SYCE1L: variants seen among roughly 807,000 people sequenced by gnomAD.
The protein encoded by SYCE1L is synaptonemal complex central element protein 1 like, also known as synaptonemal complex central element protein 1-like.
Under a neutral mutation model 39.6 loss-of-function variants are expected in SYCE1L, and 51 were observed. The observed-to-expected ratio is 1.29, with a 90% CI of 1.03 to 1.63. The LOEUF (loss-of-function observed/expected upper bound fraction) is 1.63. Ranked by LOEUF, SYCE1L falls within the 40% of genes most tolerant of loss-of-function variation. The pLI, the probability that SYCE1L is intolerant of heterozygous loss-of-function variation, is 0.00. For synonymous variants in SYCE1L, 147 were observed against 122.4 expected (o/e 1.20, Z -1.33); for missense variants, 426 against 304.9 (o/e 1.40, Z -2.96).
chr16:77,205,073 A>T (rs1305652903), intron 1 of SYCE1L, among the ~76,000 whole-genome samples: 4 of 151,150 alleles, frequency 2.6e-5, no homozygotes, highest in Admixed American at 2.0e-4. Flanking sequence ...AAAGAAAAAG[A>T]TAATGTGGGA....
chr16:77,209,293 T>C, intron 5 of SYCE1L, 124 bp from the exon 6 acceptor site: 1 of 1,351,510 alleles, frequency 7.4e-7, no homozygotes, highest in Non-Finnish European at 1.0e-6. Context: ...CTACATCACT[T>C]GGAGTAAACA....
chr16:77,208,781 G>C (rs1432967629), intron 4 of SYCE1L, among the ~76,000 whole-genome samples: 2 of 152,202 alleles, frequency 1.3e-5, no homozygotes, highest in African/African-American at 4.8e-5. Context: ...GCCCCTGGCT[G>C]ATTTGTTTCT....
intron 1 of SYCE1L, chr16:77,200,272 G>GTATATATATATATA (rs1333107439): frequency 1.3e-4 from 11 of 84,650 alleles, no homozygotes; most frequent in African/African-American, 1.6e-4. Flanking sequence ...ATATATATAT[G>GTATATATATATATA]TGTATATATA....
intron 1 of SYCE1L, among the ~76,000 whole-genome samples, chr16:77,203,293 T>C (rs572147202): frequency 2.0e-5 from 3 of 152,186 alleles, no homozygotes; most frequent in African/African-American, 7.2e-5. Flanking sequence ...GAGGGGAGAC[T>C]TTTCCTTTTT....
At chr16:77,203,698 G>A (rs184786774) in intron 1 of SYCE1L, among the ~76,000 whole-genome samples, 256 of 149,164 alleles carry the variant, frequency 1.7e-3, no homozygotes, top group African/African-American at 5.9e-3. Context: ...GGGTTCTAGT[G>A]ATTCTCCTGC....
chr16:77,209,825 C>T (rs1319787229), intron 6 of SYCE1L, among the ~76,000 whole-genome samples: 3 of 152,174 alleles, frequency 2.0e-5, no homozygotes, highest in Non-Finnish European at 4.4e-5. Flanking sequence ...CATCTATCCA[C>T]CCATCTAGCC....
chr16:77,199,981 G>C (rs1373526045), intron 1 of SYCE1L: 1 of 148,278 alleles, frequency 6.7e-6, no homozygotes, highest in Non-Finnish European at 1.5e-5. Context: ...ACAGGCAAAG[G>C]AGGGTGGAGG....
At chr16:77,209,598 G>A in intron 6 of SYCE1L, 127 bp downstream of exon 6, 2 of 987,590 alleles carry the variant, frequency 2.0e-6, no homozygotes, top group Middle Eastern at 2.1e-4. Context: ...AGAGCAGCCT[G>A]ACAAAAGATT....
intron 1 of SYCE1L, chr16:77,200,291 T>TATATATATATATGTCTATATATATAC: frequency 9.0e-6 from 1 of 111,430 alleles, no homozygotes; most frequent in Non-Finnish European, 1.9e-5. Flanking sequence ...TATATATATA[T>TATATATATATATGTCTATATATATAC]ACACACACTA....
At chr16:77,209,615 G>A in intron 6 of SYCE1L, 144 bp downstream of exon 6, 1 of 836,730 alleles carries the variant, frequency 1.2e-6, no homozygotes, top group Non-Finnish European at 1.9e-6. Flanking sequence ...GATTTCCTTG[G>A]TTATCTCTGA....
At position 77,208,069 on chromosome 16, in the gene SYCE1L, G is replaced by A. The variant is rs547661857; in HGVS notation, c.122-141G>A. 31 of 798,608 alleles carry A rather than the reference G, an allele frequency of 3.9e-5. No homozygotes were observed. In the Admixed American group the frequency reaches 8.8e-4, roughly 23 times the overall value. 49.5% of individuals were successfully genotyped at this position (798,608 alleles called of 1,614,324 possible). A position where few individuals can be genotyped will look rare whatever the true frequency, so the allele number is the denominator to read the frequency against. On this transcript the variant is annotated intron_variant, in intron 2 of 10. Transcript: ENST00000378644. The stretch of plus-strand genomic sequence containing the variant: ...ACCCAGAATGCAAGCCCTTCAAGGG[G>A]CTCTGGCAGAGCTCAACACACAGCA...
chr16:77,208,270 G>A lies in SYCE1L; in HGVS notation c.181+1G>A, dbSNP rs889946366. ...AGCCGGATTAATGATCTTCAGCAAG[G>A]TAAACTTGGGGACTTAGACTGGCCA... On this transcript the variant is annotated splice_donor_variant, in intron 3 of 10. Coordinates refer to ENST00000378644, the MANE Select transcript of SYCE1L (RefSeq NM_001129979.3). LOFTEE classifies it high-confidence loss of function. The A allele has an allele frequency of 2.6e-5, 41 of 1,551,544 alleles. No individual in the cohort carries two copies. In the Admixed American group the frequency reaches 5.1e-4, roughly 19 times the overall value.
In SYCE1L at chr16:77,209,105, G is replaced by C; in HGVS notation, c.265G>C (p.Glu89Gln). 6.4e-7 allele frequency: 1 copy of C among 1,551,720 alleles called. No homozygotes were observed. The highest frequency in any genetic ancestry group is 8.7e-7 in the Non-Finnish European group (1 of 1,147,004). The part of the protein sequence containing the change: ...LHRELDSLNG[E>Q]KVHLEEVLGK... ...GTCATTGTGTTTTCCAGTGAATGGAGAGAAAGTGCACCTAGAGGAGGTCTT... is the reference window on the plus strand; with the variant it reads ...GTCATTGTGTTTTCCAGTGAATGGACAGAAAGTGCACCTAGAGGAGGTCTT... Residue 89 changes from glutamate (E) to glutamine (Q), a missense_variant, in exon 5 of 11, where the codon GAG becomes CAG. Glu to Gln is a conservative substitution (Grantham distance 29). Coordinates refer to ENST00000378644, the MANE Select transcript of SYCE1L (RefSeq NM_001129979.3).
chr16:77,210,932 G>T (rs1180068531), intron 6 of SYCE1L, among the ~76,000 whole-genome samples: 1 of 152,188 alleles, frequency 6.6e-6, no homozygotes, highest in Non-Finnish European at 1.5e-5. Context: ...ACAAATTTTT[G>T]CCCATAATTC....
intron 1 of SYCE1L, among the ~76,000 whole-genome samples, chr16:77,202,760 G>T (rs13336198): frequency 1.3e-5 from 2 of 152,080 alleles, no homozygotes; most frequent in South Asian, 2.1e-4. Context: ...TCAAGAAGCC[G>T]GGGGCTTGCT....
intron 1 of SYCE1L, among the ~76,000 whole-genome samples, chr16:77,203,717 C>T (rs1433047741): frequency 4.0e-5 from 6 of 151,452 alleles, no homozygotes; most frequent in Non-Finnish European, 7.4e-5. Flanking sequence ...GCCTCAGCCT[C>T]CCAAGTAGCT....
chr16:77,203,534 G>T (rs1424982983), intron 1 of SYCE1L, among the ~76,000 whole-genome samples: 1 of 149,062 alleles, frequency 6.7e-6, no homozygotes, highest in African/African-American at 2.5e-5. Context: ...TGGCTGCAAA[G>T]AATTTCAGCC....
chr16:77,206,609 C>G (rs889307699), intron 2 of SYCE1L, 109 bp downstream of exon 2: 1 of 1,015,712 alleles, frequency 9.8e-7, no homozygotes, highest in Admixed American at 2.1e-5. Flanking sequence ...TCCCATTGCA[C>G]TTTCTCCCTC....
rs942777424 is a variant in SYCE1L at position 77,208,115 on chromosome 16, T to A, written c.122-95T>A. The A allele has an allele frequency of 9.5e-6, 12 of 1,261,588 alleles. No individual in the cohort carries two copies. In the Admixed American group the frequency reaches 2.2e-4, roughly 23 times the overall value. The allele number at this position is 1,261,588 out of a possible 1,614,324, so 78.1% of individuals were successfully genotyped here. ...CAGCAGGCGCTCAATATATGCCGGT[T>A]AATTGATAGCAGCAGACACAGTGCT... On this transcript the variant is annotated intron_variant, in intron 2 of 10. Transcript: ENST00000378644.
Sources: gnomAD v4.1 joint callset for allele counts (sites outside exome capture counted in the v4.1 genomes callset) on GRCh38, gnomAD v4.1.1 for gene constraint, MANE v1.5 for transcripts, NCBI Gene and HGNC (gene_info 2026-07-23, HGNC 2026-07-21) for gene names.